The following CACNA2D1 variants were observed in gnomAD, a reference collection of about 807,000 sequenced individuals.
CACNA2D1 encodes the protein calcium voltage-gated channel auxiliary subunit alpha2delta 1.
CACNA2D1 carries 53 observed loss-of-function variants against 171.5 expected under a neutral mutation model. The observed-to-expected ratio is 0.31, with a 90% confidence interval of 0.25 to 0.39. The LOEUF (loss-of-function observed/expected upper bound fraction) is 0.39, where lower values mean the gene tolerates loss of function less well. Among genes scored for constraint, CACNA2D1 ranks in the 10% least tolerant of loss-of-function variants. CACNA2D1 has a pLI of 1.00. For missense variants in CACNA2D1, 903 were observed against 1,299.8 expected, an observed-to-expected ratio of 0.69 and a Z score of 4.69; for synonymous variants, 442 against 443.1, an observed-to-expected ratio of 1.00 and a Z score of 0.03.
At chr7:82,045,848 T>A (rs1320244222) in intron 10 of CACNA2D1, among the ~76,000 whole-genome samples, 1 of 152,150 alleles carries the variant, frequency 6.6e-6, no homozygotes, top group Admixed American at 6.6e-5. Flanking sequence ...AGGTGTACGA[T>A]GTTAAAGTGT....
At chr7:82,113,992 CTA>C (rs1205634028) in intron 6 of CACNA2D1, among the ~76,000 whole-genome samples, 9 of 152,178 alleles carry the variant, frequency 5.9e-5, no homozygotes, top group Admixed American at 2.0e-4. Flanking sequence ...CAAAGAATGC[CTA>C]TGACTTCTGA....
chr7:82,168,708 A>G (rs1424200134), intron 4 of CACNA2D1, among the ~76,000 whole-genome samples: 2 of 123,932 alleles, frequency 1.6e-5, no homozygotes, highest in East Asian at 6.3e-4. Flanking sequence ...AGTTAAATGA[A>G]ACAACAATGA....
intron 3 of CACNA2D1, among the ~76,000 whole-genome samples, chr7:82,257,948 T>C (rs1806498373): frequency 6.6e-6 from 1 of 152,106 alleles, no homozygotes; most frequent in African/African-American, 2.4e-5. Flanking sequence ...GTCAGTAACG[T>C]GGAAGAGAAT....
intron 4 of CACNA2D1, among the ~76,000 whole-genome samples, chr7:82,137,258 G>A (rs979070036): frequency 2.0e-5 from 3 of 152,092 alleles, no homozygotes; most frequent in African/African-American, 7.2e-5. Flanking sequence ...TCTAGCAAGA[G>A]TAAATATATA....
chr7:82,255,858 C>T (rs1364701726), intron 3 of CACNA2D1, among the ~76,000 whole-genome samples: 1 of 152,214 alleles, frequency 6.6e-6, no homozygotes, highest in African/African-American at 2.4e-5. Flanking sequence ...TAAGTTAATA[C>T]ATTCAGTCAA....
At chr7:82,039,648 A>G (rs1053343865) in intron 10 of CACNA2D1, among the ~76,000 whole-genome samples, 2 of 152,212 alleles carry the variant, frequency 1.3e-5, no homozygotes, top group African/African-American at 2.4e-5. Flanking sequence ...CAATATCAGG[A>G]GAGGCATTTC....
chr7:82,400,678 T>C (rs1405832360), intron 1 of CACNA2D1, among the ~76,000 whole-genome samples: 3 of 151,926 alleles, frequency 2.0e-5, no homozygotes, highest in Non-Finnish European at 4.4e-5. Context: ...CCAAAAGCAA[T>C]GGCAACAAAA....
At chr7:82,309,721 G>T (rs1814190556) in intron 3 of CACNA2D1, among the ~76,000 whole-genome samples, 1 of 152,128 alleles carries the variant, frequency 6.6e-6, no homozygotes, top group African/African-American at 2.4e-5. Flanking sequence ...GGAAACACAT[G>T]TGTGTCCATG....
chr7:82,167,460 G>A (rs1189119446), intron 4 of CACNA2D1, among the ~76,000 whole-genome samples: 2 of 152,008 alleles, frequency 1.3e-5, no homozygotes, highest in East Asian at 1.9e-4. Flanking sequence ...AAAGCTGAGA[G>A]GAATGTATTA....
At chr7:82,057,148 GT>G (rs1408983823) in intron 10 of CACNA2D1, among the ~76,000 whole-genome samples, 1 of 152,122 alleles carries the variant, frequency 6.6e-6, no homozygotes, top group Non-Finnish European at 1.5e-5. Context: ...TTTAAAAATG[GT>G]TGAAATTTTC....
intron 3 of CACNA2D1, among the ~76,000 whole-genome samples, chr7:82,262,733 T>C (rs1807290533): frequency 2.0e-5 from 3 of 152,064 alleles, no homozygotes; most frequent in African/African-American, 7.2e-5. Flanking sequence ...AAACAAGCCA[T>C]AAAAACCAGA....
At chr7:82,072,568 C>T (rs1448693408) in intron 7 of CACNA2D1, among the ~76,000 whole-genome samples, 1 of 151,130 alleles carries the variant, frequency 6.6e-6, no homozygotes, top group Non-Finnish European at 1.5e-5. Context: ...ATGTCTAAAG[C>T]TTTATGGCTT....
chr7:82,347,979 T>C (rs1199180793), intron 2 of CACNA2D1, among the ~76,000 whole-genome samples: 1 of 152,088 alleles, frequency 6.6e-6, no homozygotes, highest in Non-Finnish European at 1.5e-5. Flanking sequence ...AAGTTTCACA[T>C]ATTAACACCA....
chr7:82,249,860 A>T (rs1349816354), intron 3 of CACNA2D1, among the ~76,000 whole-genome samples: 1 of 152,238 alleles, frequency 6.6e-6, no homozygotes, highest in Non-Finnish European at 1.5e-5. Context: ...TTACAGTATG[A>T]GAGTTTTGAG....
intron 5 of CACNA2D1, among the ~76,000 whole-genome samples, chr7:82,125,657 A>G (rs780194948): frequency 1.6e-4 from 25 of 152,104 alleles, no homozygotes; most frequent in Admixed American, 6.6e-4. Context: ...GTGGGAGGAT[A>G]CCTTGAGGCA....
At chr7:82,107,192 C>T (rs562541353) in intron 6 of CACNA2D1, among the ~76,000 whole-genome samples, 1 of 152,226 alleles carries the variant, frequency 6.6e-6, no homozygotes, top group South Asian at 2.1e-4. Context: ...AATCATTCTC[C>T]TGTAGTACCC....
intron 4 of CACNA2D1, among the ~76,000 whole-genome samples, chr7:82,143,891 T>C (rs962775003): frequency 6.6e-6 from 1 of 152,172 alleles, no homozygotes; most frequent in African/African-American, 2.4e-5. Context: ...CTAACAAACA[T>C]GTAGGGTTCT....
chr7:82,425,099 T>A (rs575698545), intron 1 of CACNA2D1, among the ~76,000 whole-genome samples: 7 of 152,286 alleles, frequency 4.6e-5, no homozygotes, highest in African/African-American at 1.7e-4. Context: ...ATTCTGCAGA[T>A]GGAATTCCGA....
chr7:82,420,824 G>A (rs1304986208), intron 1 of CACNA2D1, among the ~76,000 whole-genome samples: 18 of 148,366 alleles, frequency 1.2e-4, no homozygotes, highest in Middle Eastern at 6.9e-3. Flanking sequence ...AAATCATAGC[G>A]AGCAGGAAAA....
Sources: allele counts gnomAD v4.1 joint callset (sites outside exome capture counted in the v4.1 genomes callset), GRCh38; gene constraint gnomAD v4.1.1; transcripts MANE v1.5; gene names NCBI Gene and HGNC (gene_info 2026-07-23, HGNC 2026-07-21).